The following RASA3 variants were observed in gnomAD, a reference collection of about 807,000 sequenced individuals.
RASA3 encodes ras GTPase-activating protein 3.
A neutral mutation model predicts 110.0 loss-of-function variants in RASA3; 73 were observed. The observed-to-expected ratio is 0.66, with a 90% CI of 0.55 to 0.81. The LOEUF (loss-of-function observed/expected upper bound fraction) is 0.81, where lower values mean the gene tolerates loss of function less well. RASA3 is among the 30% of genes least tolerant of loss of function. The pLI, the probability that RASA3 is intolerant of heterozygous loss-of-function variation, is 0.00. For synonymous variants in RASA3, 500 were observed against 451.4 expected, an observed-to-expected ratio of 1.11 and a Z score of -1.37; for missense variants, 976 against 1,113.2, an observed-to-expected ratio of 0.88 and a Z score of 1.75.
Position 113,979,426 on chromosome 13 carries a change from A to T in RASA3, c.2430-4T>A. ...CTTGTCTCCGATGGGGTGCTCCCTG[A>T]AAAGGGGGATGGGAGAGGGAATGAG... On this transcript the variant is annotated splice_polypyrimidine_tract_variant and splice_region_variant and intron_variant, in intron 23 of 23. Transcript: ENST00000334062. 1 of 1,591,538 alleles carries T rather than the reference A, an allele frequency of 6.3e-7. No homozygotes were observed. Among genetic ancestry groups the T allele is most frequent in the Non-Finnish European group, 8.6e-7 (1 of 1,159,722 alleles).
rs547280721 is a variant in RASA3, at chr13:114,049,595, C to T, written c.277+2457G>A. Among the ~76,000 whole-genome samples, 129 of 152,350 alleles carry T rather than the reference C, an allele frequency of 8.5e-4. 1 individual carries two copies. Among genetic ancestry groups the T allele is most frequent in the African/African-American group, 3.0e-3 (124 of 41,578 alleles). ...TACACCTTCGAGAACGAATCAAGTC[C>T]CTGTGGATTCTCGAGTATAAACGGA... On this transcript the variant is annotated intron_variant, in intron 3 of 23. Coordinates refer to ENST00000334062, the MANE Select transcript of RASA3 (RefSeq NM_007368.4).
chr13:114,046,657 G>A (rs2079057138), intron 3 of RASA3, among the ~76,000 whole-genome samples: 1 of 152,210 alleles, frequency 6.6e-6, no homozygotes, highest in Non-Finnish European at 1.5e-5. Flanking sequence ...CCGATGGAAA[G>A]CTGCTTCCAC....
Position 114,114,198 on chromosome 13 carries a change from G to A in RASA3, c.55+18237C>T, listed in dbSNP as rs1389937497. Among the ~76,000 whole-genome samples the A allele has an allele frequency of 6.6e-6, 1 of 152,240 alleles. No homozygotes were observed. Among genetic ancestry groups the A allele is most frequent in the Non-Finnish European group, 1.5e-5 (1 of 68,040 alleles). ...GTGAGCGTCTGCGATGTCCGTGCAG[G>A]GGAGAGAGACCTGGCCTATCCTCAG... On this transcript the variant is annotated intron_variant, in intron 1 of 23. Coordinates refer to ENST00000334062, the MANE Select transcript of RASA3 (RefSeq NM_007368.4). The surrounding 1 kb of genome is among the most constrained non-coding windows in gnomAD (Gnocchi z 4.8).
intron 1 of RASA3, among the ~76,000 whole-genome samples, chr13:114,079,823 G>T (rs147884435): frequency 3.0e-4 from 46 of 152,232 alleles, no homozygotes; most frequent in Non-Finnish European, 6.2e-4. Flanking sequence ...CTGAGTGCCC[G>T]TCCGCACTGG....
chr13:114,117,160 T>A (rs1212423387), intron 1 of RASA3, among the ~76,000 whole-genome samples: 6 of 90,456 alleles, frequency 6.6e-5, no homozygotes, highest in South Asian at 4.4e-4. Context: ...GTGTGAGGGG[T>A]GCACGTGTGT....
intron 1 of RASA3, among the ~76,000 whole-genome samples, chr13:114,130,295 G>C (rs1409545311): frequency 1.3e-5 from 2 of 152,230 alleles, no homozygotes; most frequent in Non-Finnish European, 2.9e-5. Context: ...GGGACTTCTT[G>C]CTGGAGCCAC....
chr13:113,995,342 C>A (rs1189069165), intron 21 of RASA3, among the ~76,000 whole-genome samples: 2 of 152,248 alleles, frequency 1.3e-5, no homozygotes, highest in African/African-American at 4.8e-5. Context: ...GCCAGGCCCC[C>A]TTCCTGAGCT....
chr13:114,042,293 C>T (rs948211514), intron 3 of RASA3, among the ~76,000 whole-genome samples: 10 of 152,248 alleles, frequency 6.6e-5, no homozygotes, highest in Non-Finnish European at 1.2e-4. Context: ...CCGCACACTG[C>T]GGACCACGCC....
At chr13:113,996,239 T>C (rs2053254234) in intron 21 of RASA3, among the ~76,000 whole-genome samples, 1 of 152,114 alleles carries the variant, frequency 6.6e-6, no homozygotes, top group Non-Finnish European at 1.5e-5. Context: ...GGCCACGGCC[T>C]GGGGAGTCCC....
chr13:114,126,899 G>C (rs1265797109), intron 1 of RASA3, among the ~76,000 whole-genome samples: 1 of 151,918 alleles, frequency 6.6e-6, no homozygotes, highest in Non-Finnish European at 1.5e-5. Context: ...GCAGTCTCGG[G>C]TGTCTGATTC....
intron 1 of RASA3, chr13:114,077,991 A>G (rs1462653229): frequency 6.2e-6 from 6 of 971,302 alleles, no homozygotes; most frequent in Admixed American, 6.4e-5. Context: ...GCATTGAAAC[A>G]GAAAAAAAAA....
At position 114,011,121 on chromosome 13, in the gene RASA3, GA is replaced by G. The variant is rs1169152171; in HGVS notation, c.1590+49del. 6.7e-7 allele frequency: 1 copy of G among 1,488,010 alleles called. No homozygotes were observed. The highest frequency in any genetic ancestry group is 9.3e-7 in the Non-Finnish European group (1 of 1,072,126). The allele number at this position is 1,488,010 out of a possible 1,614,324, so 92.2% of individuals were successfully genotyped here. A position where few individuals can be genotyped will look rare whatever the true frequency, so the allele number is the denominator to read the frequency against. ...TTTTCACGTGTATTTTCTGAAGAGA[GA>G]AAAGAATCAGTTGTCCCTAAAAAGA... On this transcript the variant is annotated intron_variant, in intron 16 of 23. Transcript: ENST00000334062. This position sits in a 1 kb window ranked among gnomAD's most constrained non-coding sequence, Gnocchi z 4.8.
intron 21 of RASA3, among the ~76,000 whole-genome samples, chr13:113,995,916 T>C (rs1375012719): frequency 1.7e-4 from 1 of 5,788 alleles, no homozygotes; most frequent in African/African-American, 2.6e-3. Context: ...ACCCGGCTGA[T>C]GGGGGGCCCG....
intron 4 of RASA3, among the ~76,000 whole-genome samples, chr13:114,039,093 C>G (rs569249759): frequency 6.6e-6 from 1 of 152,340 alleles, no homozygotes; most frequent in South Asian, 2.1e-4. Flanking sequence ...GGCAACAATC[C>G]GATGAGGGAG....
chr13:114,026,778 A>G (rs1484458557), intron 7 of RASA3, among the ~76,000 whole-genome samples: 1 of 152,222 alleles, frequency 6.6e-6, no homozygotes, highest in Non-Finnish European at 1.5e-5. Context: ...AAGGCCCTGC[A>G]CACAGCTGTC....
rs2079432151 is a variant in RASA3 at position 114,065,550 on chromosome 13, G to A, written c.173+8170C>T. Among the ~76,000 whole-genome samples, 1 of 152,140 alleles carries A rather than the reference G, an allele frequency of 6.6e-6. No homozygotes were observed. The highest frequency in any genetic ancestry group is 1.5e-5 in the Non-Finnish European group (1 of 68,006). On this transcript the variant is annotated intron_variant, in intron 2 of 23. Coordinates refer to ENST00000334062, the MANE Select transcript of RASA3 (RefSeq NM_007368.4). The surrounding 1 kb of genome is among the most constrained non-coding windows in gnomAD (Gnocchi z 4.1). ...ACAGAGAAGGGGCAACTTGGCCAGG[G>A]AAAATGCTCCATCTCCGCAAAGGAC...
At chr13:114,026,869 C>T (rs536210300) in intron 7 of RASA3, among the ~76,000 whole-genome samples, 45 of 152,240 alleles carry the variant, frequency 3.0e-4, no homozygotes, top group Non-Finnish European at 5.9e-4. Flanking sequence ...CCACCAGGTG[C>T]ACCCTTGCAC....
intron 7 of RASA3, among the ~76,000 whole-genome samples, chr13:114,026,620 G>C (rs527539305): frequency 9.9e-5 from 15 of 152,236 alleles, no homozygotes; most frequent in African/African-American, 3.4e-4. Flanking sequence ...TGCATGCATC[G>C]AGCCCCACTC....
chr13:114,004,383 T>G (rs2053468477), intron 18 of RASA3, among the ~76,000 whole-genome samples: 1 of 151,534 alleles, frequency 6.6e-6, no homozygotes, highest in Non-Finnish European at 1.5e-5. Flanking sequence ...AAAATAAAAA[T>G]TAAAAAAAAA....
Sources: gnomAD v4.1 joint callset for allele counts (sites outside exome capture counted in the v4.1 genomes callset) on GRCh38, gnomAD v4.1.1 for gene constraint, Gnocchi (gnomAD v3.1) non-coding constraint, MANE v1.5 for transcripts, NCBI Gene and HGNC (gene_info 2026-07-23, HGNC 2026-07-21) for gene names.